The following MAPKAP1 variants were observed in gnomAD, a reference collection of about 807,000 sequenced individuals.
MAPKAP1 encodes target of rapamycin complex 2 subunit MAPKAP1.
Under a neutral mutation model 65.7 loss-of-function variants are expected in MAPKAP1, and 20 were observed. The ratio of observed to expected loss-of-function variants is 0.30; its 90% CI spans 0.21 to 0.44. The LOEUF (loss-of-function observed/expected upper bound fraction) is 0.44. Among genes scored for constraint, MAPKAP1 ranks in the 20% least tolerant of loss-of-function variants. MAPKAP1 has a pLI of 1.00. For synonymous variants in MAPKAP1, 222 were observed against 244.3 expected (o/e 0.91, Z 0.85); for missense variants, 423 against 648.0 (o/e 0.65, Z 3.77).
At chr9:125,685,536 G>A (rs1259417711) in intron 1 of MAPKAP1, among the ~76,000 whole-genome samples, 3 of 152,156 alleles carry the variant, frequency 2.0e-5, no homozygotes, top group African/African-American at 7.2e-5. Context: ...TGAAATGAGG[G>A]GTCACTGGAG....
chr9:125,469,640 T>C (rs1853822580), intron 9 of MAPKAP1, among the ~76,000 whole-genome samples: 2 of 152,042 alleles, frequency 1.3e-5, no homozygotes, highest in African/African-American at 2.4e-5. Context: ...AGATGAACCA[T>C]TGGTATTTTT....
chr9:125,459,179 G>A (rs898455736), intron 10 of MAPKAP1, among the ~76,000 whole-genome samples: 3 of 149,694 alleles, frequency 2.0e-5, no homozygotes, highest in Admixed American at 6.6e-5. Flanking sequence ...CCCAGACGGG[G>A]CGGCGGGGCA....
intron 1 of MAPKAP1, among the ~76,000 whole-genome samples, chr9:125,689,534 G>A (rs1004359554): frequency 6.7e-6 from 1 of 149,814 alleles, no homozygotes; most frequent in African/African-American, 2.5e-5. Context: ...GTCACCTGAG[G>A]TCAGGAGTTC....
intron 4 of MAPKAP1, among the ~76,000 whole-genome samples, chr9:125,605,588 G>A (rs111985211): frequency 2.6e-5 from 4 of 152,152 alleles, no homozygotes; most frequent in Non-Finnish European, 4.4e-5. Flanking sequence ...GAGTGGTACC[G>A]CACGGCCGCA....
intron 7 of MAPKAP1, among the ~76,000 whole-genome samples, chr9:125,539,129 G>A (rs10986787): frequency 0.029 from 4,383 of 152,310 alleles, 190 homozygotes; most frequent in East Asian, 0.15. Flanking sequence ...ATAGAGTTAG[G>A]AGGGAGTCCA....
intron 7 of MAPKAP1, among the ~76,000 whole-genome samples, chr9:125,525,584 A>C (rs1221701054): frequency 6.6e-6 from 1 of 152,148 alleles, no homozygotes; most frequent in East Asian, 1.9e-4. Context: ...GAGGCAGGAG[A>C]ATCACTTGAA....
At chr9:125,491,212 G>A (rs1242168182) in intron 8 of MAPKAP1, among the ~76,000 whole-genome samples, 2 of 151,790 alleles carry the variant, frequency 1.3e-5, no homozygotes, top group African/African-American at 2.4e-5. Flanking sequence ...GGGAGGCTGA[G>A]GTGGGTGGAT....
rs185823658 is a variant in MAPKAP1, at chr9:125,533,740, C to T, written c.958+9319G>A. On this transcript the variant is annotated intron_variant, in intron 7 of 11. Transcript: ENST00000265960. ...CTGGGATTACAGGTGTGAGCCACTA[C>T]GCTCGGCCAGGCATAAACTTTTTGA... is the stretch of plus-strand genomic sequence containing the variant. 2.3e-3 allele frequency among the ~76,000 whole-genome samples: 352 copies of T among 152,300 alleles called. 2 individuals are homozygous for T. The highest frequency in any genetic ancestry group is 8.1e-3 in the African/African-American group (335 of 41,548).
At chr9:125,582,697 C>T (rs566664089) in intron 5 of MAPKAP1, among the ~76,000 whole-genome samples, 1 of 152,342 alleles carries the variant, frequency 6.6e-6, no homozygotes, top group Non-Finnish European at 1.5e-5. Context: ...CAGCCTTGTT[C>T]AGCTTCTTTT....
intron 6 of MAPKAP1, among the ~76,000 whole-genome samples, chr9:125,547,632 C>T (rs1396761122): frequency 1.3e-5 from 2 of 152,204 alleles, no homozygotes; most frequent in South Asian, 2.1e-4. Flanking sequence ...CCTTCCCCTG[C>T]CTCCTAAGCA....
intron 7 of MAPKAP1, among the ~76,000 whole-genome samples, chr9:125,510,311 A>C (rs1829260945): frequency 6.6e-6 from 1 of 152,250 alleles, no homozygotes; most frequent in Non-Finnish European, 1.5e-5. Context: ...CCATAAATAA[A>C]GGTTTCTGTA....
At chr9:125,452,087 G>C (rs550370790) in intron 10 of MAPKAP1, among the ~76,000 whole-genome samples, 1 of 152,046 alleles carries the variant, frequency 6.6e-6, no homozygotes, top group Non-Finnish European at 1.5e-5. Context: ...TGGGATTACA[G>C]GCATGAGCCA....
At chr9:125,692,270 T>C (rs2131850061) in intron 1 of MAPKAP1, among the ~76,000 whole-genome samples, 1 of 152,302 alleles carries the variant, frequency 6.6e-6, no homozygotes, top group South Asian at 2.1e-4. Context: ...CAAATGTCCA[T>C]CAACTGATGA....
At chr9:125,634,798 A>T (rs1833378161) in intron 4 of MAPKAP1, among the ~76,000 whole-genome samples, 1 of 152,236 alleles carries the variant, frequency 6.6e-6, no homozygotes, top group African/African-American at 2.4e-5. Flanking sequence ...GGCAGCCTTT[A>T]AACTACTTTC....
chr9:125,613,148 T>C (rs144545030), intron 4 of MAPKAP1, among the ~76,000 whole-genome samples: 4 of 152,302 alleles, frequency 2.6e-5, no homozygotes, highest in Admixed American at 2.6e-4. Context: ...CTGTAGATCA[T>C]TATACTAACC....
rs540979270 is a variant in MAPKAP1 at position 125,469,722 on chromosome 9, G to GT, written c.1208-1614dup. 4.5e-3 allele frequency among the ~76,000 whole-genome samples: 689 copies of GT among 152,254 alleles called. 4 individuals carry two copies. The highest frequency in any genetic ancestry group is 0.016 in the African/African-American group (647 of 41,534). ...CCATATTTCAATTAGGCATAATGTCGTAAGTCCAGCTGACTCTGGACGTTC... is the reference window on the plus strand; with the variant it reads ...CCATATTTCAATTAGGCATAATGTCGTTAAGTCCAGCTGACTCTGGACGTTC... On this transcript the variant is annotated intron_variant, in intron 9 of 11. Transcript: ENST00000265960.
At chr9:125,576,486 CTCTCCCTCTCCCTCTCCCCACGG>C (rs984732290) in intron 5 of MAPKAP1, among the ~76,000 whole-genome samples, 39 of 148,668 alleles carry the variant, frequency 2.6e-4, no homozygotes, top group African/African-American at 5.6e-4. Context: ...ATAGCTCTCC[CTCTCCCTCTCCCTCTCCCCACGG>C]TCTCCCTCTC....
intron 5 of MAPKAP1, among the ~76,000 whole-genome samples, chr9:125,584,525 G>A (rs1377407193): frequency 6.6e-6 from 1 of 151,982 alleles, no homozygotes; most frequent in African/African-American, 2.4e-5. Flanking sequence ...TGCAACCTCT[G>A]CAGCGATTCT....
At position 125,672,451 on chromosome 9, in the gene MAPKAP1, G is replaced by C; in HGVS notation, c.124C>G (p.His42Asp). ...IDHDVDLEKI[H>D]PPSMPGDSGS... ...CTGTCTCCAGGCATTGAAGGAGGAT[G>C]AATCTTCTCTAGGTCAACATCATGA... The change falls in exon 2 of 12, where the codon CAT (histidine) becomes GAT (aspartate). Residue 42 changes from histidine to aspartate, a missense_variant. His to Asp is a moderately conservative substitution (Grantham distance 81). This residue lies in a region of MAPKAP1 where 58 missense variants were observed against 56.9 expected (regional missense o/e 1.02). Transcript: ENST00000265960. 1 of 1,614,132 alleles carries C rather than the reference G, an allele frequency of 6.2e-7. No individual in the cohort carries two copies. Among genetic ancestry groups the C allele is most frequent in the Non-Finnish European group, 8.5e-7 (1 of 1,180,018 alleles).
Sources: allele counts gnomAD v4.1 joint callset (sites outside exome capture counted in the v4.1 genomes callset), GRCh38; gene constraint gnomAD v4.1.1; regional missense constraint gnomAD v4.1.1; transcripts MANE v1.5; gene names NCBI Gene and HGNC (gene_info 2026-07-23, HGNC 2026-07-21).